The following VIRMA variants were observed in gnomAD, a reference collection of about 807,000 sequenced individuals.
The protein encoded by VIRMA is vir like m6A methyltransferase associated, also known as protein virilizer homolog.
VIRMA carries 65 observed loss-of-function variants against 182.4 expected under a neutral mutation model. The ratio of observed to expected loss-of-function variants is 0.36; its 90% CI spans 0.29 to 0.44. VIRMA has a LOEUF of 0.44. VIRMA is among the 20% of genes least tolerant of loss of function. VIRMA has a pLI of 1.00. For synonymous variants in VIRMA, 709 were observed against 743.1 expected, an observed-to-expected ratio of 0.95 and a Z score of 0.75; for missense variants, 1,752 against 2,158.1, an observed-to-expected ratio of 0.81 and a Z score of 3.73.
At chr8:94,547,363 G>A (rs949736302) in intron 1 of VIRMA, among the ~76,000 whole-genome samples, 14 of 151,292 alleles carry the variant, frequency 9.3e-5, no homozygotes, top group South Asian at 8.3e-4. Flanking sequence ...AGACTGGTCA[G>A]ATTCCACAAC....
chr8:94,538,390 A>G (rs1324390324), intron 2 of VIRMA, 44 bp from the exon 3 acceptor site: 1 of 1,189,280 alleles, frequency 8.4e-7, no homozygotes, highest in Non-Finnish European at 1.3e-6. Flanking sequence ...TGTAACAAAC[A>G]CTTCCTAAAT....
At chr8:94,500,330 C>G (rs568655637) in intron 16 of VIRMA, among the ~76,000 whole-genome samples, 10 of 152,108 alleles carry the variant, frequency 6.6e-5, no homozygotes, top group African/African-American at 2.4e-4. Flanking sequence ...ACCCAGGAGA[C>G]GGAGGTTGCA....
Position 94,537,124 on chromosome 8 carries a change from G to A in VIRMA, c.294C>T (p.Ile98=). ...GSLEYDENTS[I]IFRPNSKVNT... is the part of the protein sequence containing the mutation. ...TTACCTTTGAGTTAGGTCTAAAGAT[G>A]ATGGAAGTATTCTCATCATATTCCA... Residue 98 remains isoleucine, a synonymous_variant, in exon 4 of 24, where the codon ATC becomes ATT. Coordinates refer to ENST00000297591, the MANE Select transcript of VIRMA (RefSeq NM_015496.5). The A allele has an allele frequency of 6.2e-7, 1 of 1,604,912 alleles. No individual in the cohort carries two copies. The highest frequency in any genetic ancestry group is 8.5e-7 in the Non-Finnish European group (1 of 1,171,724).
At chr8:94,507,987 G>GTA (rs901737675) in intron 15 of VIRMA, among the ~76,000 whole-genome samples, 10 of 126,024 alleles carry the variant, frequency 7.9e-5, no homozygotes, top group African/African-American at 2.6e-4. Flanking sequence ...GTATATATGT[G>GTA]TATATATATA....
chr8:94,510,755 G>C, intron 13 of VIRMA, 103 bp from the exon 14 acceptor site: 1 of 866,166 alleles, frequency 1.2e-6, no homozygotes, highest in East Asian at 2.7e-5. Flanking sequence ...CATTTTTACT[G>C]CATGCTTAAA....
In VIRMA at chr8:94,511,400, T is replaced by C. The variant is rs1367791094; in HGVS notation, c.3175A>G (p.Lys1059Glu). The C allele has an allele frequency of 6.2e-7, 1 of 1,614,100 alleles. No individual in the cohort carries two copies. The change falls in exon 13 of 24, where the codon AAA becomes GAA. Residue 1059 changes from lysine (K) to glutamate (E), a missense_variant. By Grantham distance (56) the Lys-to-Glu change is moderately conservative (BLOSUM62 1). This residue lies in a region of VIRMA where 777 missense variants were observed against 920.6 expected (regional missense o/e 0.84). Coordinates refer to ENST00000297591, the MANE Select transcript of VIRMA (RefSeq NM_015496.5). ...ATATCAATGATATCATTCTGAATTT[T>C]CTGTTCATCACTATCCAAACGACCT... ...LSGRLDSDEQ[K>E]IQNDIIDILL...
chr8:94,531,235 C>CAT, intron 5 of VIRMA, 150 bp from the exon 6 acceptor site: 2 of 851,084 alleles, frequency 2.3e-6, no homozygotes, highest in South Asian at 2.8e-5. Context: ...GCAAAATCTG[C>CAT]ATATATATAA....
chr8:94,539,793 T>C (rs1815476663), intron 2 of VIRMA, among the ~76,000 whole-genome samples: 1 of 152,204 alleles, frequency 6.6e-6, no homozygotes, highest in South Asian at 2.1e-4. Context: ...GACTGGATCA[T>C]GAGGACTCTG....
intron 1 of VIRMA, among the ~76,000 whole-genome samples, chr8:94,548,272 ACTT>A (rs1815847882): frequency 6.6e-6 from 1 of 151,102 alleles, no homozygotes; most frequent in Non-Finnish European, 1.5e-5. Context: ...TAGGTGTATT[ACTT>A]CTTGATTCAC....
chr8:94,496,125 A>G, intron 18 of VIRMA: 1 of 616,652 alleles, frequency 1.6e-6, no homozygotes, highest in Non-Finnish European at 2.7e-6. Context: ...ACAATTCAAA[A>G]AGTACCGTCT....
intron 10 of VIRMA, among the ~76,000 whole-genome samples, chr8:94,515,621 C>T (rs1201649584): frequency 6.6e-6 from 1 of 151,932 alleles, no homozygotes; most frequent in Non-Finnish European, 1.5e-5. Context: ...ATCCACCTAC[C>T]TCAGCCTCCC....
chr8:94,528,967 T>G (rs1815061848), intron 7 of VIRMA, 103 bp downstream of exon 7: 1 of 1,453,802 alleles, frequency 6.9e-7, no homozygotes, highest in African/African-American at 1.4e-5. Context: ...CTGGGTTTCT[T>G]GGAACCCATT....
rs749562417 is a variant in VIRMA at position 94,488,658 on chromosome 8, G to A, written c.*48C>T. 1 of 1,566,762 alleles carries A rather than the reference G, an allele frequency of 6.4e-7. No homozygotes were observed. Reference sequence around the variant, plus strand: ...GGTCCTTCAATGTCTTATTTTTATTGTCCTCGTGAAATGTTCATATACAGT... The same window carrying A: ...GGTCCTTCAATGTCTTATTTTTATTATCCTCGTGAAATGTTCATATACAGT... On this transcript the variant is annotated 3_prime_UTR_variant, in exon 24 of 24. Transcript: ENST00000297591.
At chr8:94,552,053 A>G (rs28775004) in intron 1 of VIRMA, among the ~76,000 whole-genome samples, 6,075 of 152,236 alleles carry the variant, frequency 0.04, 133 homozygotes, top group Non-Finnish European at 0.05. Flanking sequence ...ATTTCTATAC[A>G]CCATAAGTTT....
intron 16 of VIRMA, among the ~76,000 whole-genome samples, chr8:94,504,393 T>C (rs576053458): frequency 6.6e-6 from 1 of 152,250 alleles, no homozygotes; most frequent in South Asian, 2.1e-4. Context: ...ATATGAAGCA[T>C]GCTTTTGCAA....
intron 1 of VIRMA, among the ~76,000 whole-genome samples, chr8:94,548,279 G>T (rs1815848119): frequency 6.6e-6 from 1 of 150,662 alleles, no homozygotes. Flanking sequence ...ATTACTTCTT[G>T]ATTCACAAAG....
At chr8:94,532,304 A>G (rs889482256) in intron 5 of VIRMA, among the ~76,000 whole-genome samples, 1 of 152,148 alleles carries the variant, frequency 6.6e-6, no homozygotes, top group East Asian at 1.9e-4. Context: ...ATGAGGTTTC[A>G]CCATGTTGGC....
At chr8:94,538,127 C>T (rs1229930307) in intron 3 of VIRMA, 133 bp downstream of exon 3, 14 of 669,158 alleles carry the variant, frequency 2.1e-5, no homozygotes, top group Non-Finnish European at 3.5e-5. Flanking sequence ...TTTAATACCA[C>T]CATGACACAA....
At chr8:94,506,791 A>G (rs985837489) in intron 15 of VIRMA, 74 bp from the exon 16 acceptor site, 70 of 808,986 alleles carry the variant, frequency 8.7e-5, no homozygotes, top group Non-Finnish European at 1.3e-4. Context: ...TGAGAAATAC[A>G]TAGCAATTAA....
Sources: gnomAD v4.1 joint callset for allele counts (sites outside exome capture counted in the v4.1 genomes callset) on GRCh38, gnomAD v4.1.1 for gene constraint, gnomAD v4.1.1 regional missense constraint, MANE v1.5 for transcripts, NCBI Gene and HGNC (gene_info 2026-07-23, HGNC 2026-07-21) for gene names.